The following BEND6 variants were observed in gnomAD, a reference collection of about 807,000 sequenced individuals.
The protein encoded by BEND6 is BEN domain-containing protein 6.
Under a neutral mutation model 31.8 loss-of-function variants are expected in BEND6, and 24 were observed. The observed-to-expected ratio is 0.75, with a 90% confidence interval of 0.55 to 1.06. The LOEUF is 1.06. Ranked by LOEUF, BEND6 falls within the 50% of genes least tolerant of loss-of-function variation. The pLI is 0.00. For missense variants in BEND6, 294 were observed against 327.4 expected (o/e 0.90, Z 0.79); for synonymous variants, 109 against 114.6 (o/e 0.95, Z 0.31).
At chr6:56,987,586 C>T (rs771853171) in intron 2 of BEND6, among the ~76,000 whole-genome samples, 18 of 152,132 alleles carry the variant, frequency 1.2e-4, no homozygotes, top group South Asian at 2.1e-4. Context: ...GAGATTCATC[C>T]CCTTTCCCCC....
At chr6:57,004,597 C>A in intron 3 of BEND6, 2 of 998,354 alleles carry the variant, frequency 2.0e-6, no homozygotes, top group Non-Finnish European at 3.2e-6. Context: ...CCAACATCAA[C>A]CTCCAGATCA....
intron 1 of BEND6, among the ~76,000 whole-genome samples, chr6:56,962,760 G>C (rs1825334762): frequency 6.6e-6 from 1 of 152,156 alleles, no homozygotes; most frequent in Non-Finnish European, 1.5e-5. Context: ...TTAGTGCCTA[G>C]ATTAAGGGGC....
intron 2 of BEND6, among the ~76,000 whole-genome samples, chr6:56,991,576 G>T (rs1311336127): frequency 6.6e-6 from 1 of 152,078 alleles, no homozygotes; most frequent in Non-Finnish European, 1.5e-5. Context: ...TGCCCAGGCT[G>T]TCTTGACCCC....
chr6:56,963,897 A>G (rs1273472151), intron 1 of BEND6, among the ~76,000 whole-genome samples: 1 of 147,920 alleles, frequency 6.8e-6, no homozygotes, highest in Non-Finnish European at 1.5e-5. Flanking sequence ...TAATGTTATA[A>G]TTACAATATT....
chr6:56,994,226 G>A (rs1426111576), intron 3 of BEND6, among the ~76,000 whole-genome samples: 15 of 151,810 alleles, frequency 9.9e-5, no homozygotes, highest in African/African-American at 2.2e-4. Flanking sequence ...TTGGGAGGCC[G>A]AGGTGGGTGG....
At chr6:56,970,098 G>A (rs1362006427) in intron 1 of BEND6, among the ~76,000 whole-genome samples, 1 of 152,048 alleles carries the variant, frequency 6.6e-6, no homozygotes, top group East Asian at 1.9e-4. Flanking sequence ...TGTTTTAGTT[G>A]CATGTGTGTG....
At chr6:56,968,421 C>T (rs968703651) in intron 1 of BEND6, among the ~76,000 whole-genome samples, 15 of 146,708 alleles carry the variant, frequency 1.0e-4, no homozygotes, top group Admixed American at 2.8e-4. Context: ...CCTGGGCTCT[C>T]GTGATCCTCC....
chr6:56,980,067 T>A (rs1396916411), intron 1 of BEND6, among the ~76,000 whole-genome samples: 1 of 152,238 alleles, frequency 6.6e-6, no homozygotes, highest in African/African-American at 2.4e-5. Flanking sequence ...AGGCCTCACC[T>A]ATTATTGTGG....
chr6:57,025,820 G>A (rs892536794), intron 6 of BEND6, among the ~76,000 whole-genome samples: 2 of 151,990 alleles, frequency 1.3e-5, no homozygotes, highest in African/African-American at 4.8e-5. Context: ...CTGTGGCCTG[G>A]GAAACTGTTT....
At chr6:56,996,761 T>C (rs1826729729) in intron 3 of BEND6, among the ~76,000 whole-genome samples, 1 of 152,232 alleles carries the variant, frequency 6.6e-6, no homozygotes, top group Non-Finnish European at 1.5e-5. Context: ...TCCCACTAGC[T>C]TTGCCTTCAA....
chr6:56,963,445 T>C (rs1006713917), intron 1 of BEND6, among the ~76,000 whole-genome samples: 1 of 152,240 alleles, frequency 6.6e-6, no homozygotes, highest in Admixed American at 6.5e-5. Flanking sequence ...TTCATTGCCA[T>C]GTCTCCATCA....
intron 3 of BEND6, chr6:57,008,865 T>C (rs1408135328): frequency 2.6e-5 from 4 of 152,358 alleles, no homozygotes; most frequent in African/African-American, 9.6e-5. Context: ...TCACAATAGA[T>C]AACATAGGGA....
At chr6:57,005,659 G>A (rs149565298) in intron 3 of BEND6, among the ~76,000 whole-genome samples, 26 of 149,698 alleles carry the variant, frequency 1.7e-4, no homozygotes, top group African/African-American at 5.9e-4. Context: ...CACCCTGGGC[G>A]ACAGAGCGAG....
intron 3 of BEND6, chr6:57,008,112 G>A: frequency 1.4e-6 from 1 of 694,102 alleles, no homozygotes; most frequent in Non-Finnish European, 2.6e-6. Flanking sequence ...GATTAAAAGG[G>A]CCCCAGTACC....
Position 57,015,216 on chromosome 6 carries a change from T to A in BEND6, c.382T>A (p.Ser128Thr). 6.2e-7 allele frequency: 1 copy of A among 1,614,128 alleles called. No individual in the cohort carries two copies. Among genetic ancestry groups the A allele is most frequent in the Non-Finnish European group, 8.5e-7 (1 of 1,180,020 alleles). Reference sequence around the variant, plus strand: ...TAAGGGTGGGGGAACCATGTCTACATCTGCATCCACCCTCTGGAGAGCAAC... The same window carrying A: ...TAAGGGTGGGGGAACCATGTCTACAACTGCATCCACCCTCTGGAGAGCAAC... Reference protein sequence around the residue: ...LLKGGGTMSTSASTLWRATNN... With the variant: ...LLKGGGTMSTTASTLWRATNN... Residue 128 changes from serine to threonine, a missense_variant, in exon 4 of 7, where the codon TCT becomes ACT. Ser to Thr is a moderately conservative substitution (Grantham distance 58). Coordinates refer to ENST00000370746, the MANE Select transcript of BEND6 (RefSeq NM_152731.3).
intron 1 of BEND6, among the ~76,000 whole-genome samples, chr6:56,969,321 A>G (rs1458083771): frequency 6.6e-6 from 1 of 152,156 alleles, no homozygotes; most frequent in Non-Finnish European, 1.5e-5. Context: ...CTAAAAATAA[A>G]TAATATAGGC....
At chr6:57,011,715 C>CAAAAAAAAAAAAA (rs770049459) in intron 3 of BEND6, among the ~76,000 whole-genome samples, 1 of 34,086 alleles carries the variant, frequency 2.9e-5, no homozygotes, top group Non-Finnish European at 5.9e-5. Context: ...GGCCCTGTCT[C>CAAAAAAAAAAAAA]AAAAAAAAAA....
At chr6:57,022,594 G>T (rs1199245329) in intron 6 of BEND6, among the ~76,000 whole-genome samples, 1 of 151,396 alleles carries the variant, frequency 6.6e-6, no homozygotes, top group Non-Finnish European at 1.5e-5. Flanking sequence ...CATTGATCTG[G>T]TTTTTTAAAT....
chr6:56,982,029 TTTAA>T (rs1347989665), intron 2 of BEND6, 99 bp downstream of exon 2: 2 of 1,256,840 alleles, frequency 1.6e-6, no homozygotes, highest in Non-Finnish European at 2.2e-6. Flanking sequence ...TCTTCTATTA[TTTAA>T]TTCTTTTCAT....
Sources: allele counts gnomAD v4.1 joint callset (sites outside exome capture counted in the v4.1 genomes callset), GRCh38; gene constraint gnomAD v4.1.1; transcripts MANE v1.5; gene names NCBI Gene and HGNC (gene_info 2026-07-23, HGNC 2026-07-21).